PRKG1: variants seen among roughly 807,000 people sequenced by gnomAD.
PRKG1 encodes the protein cGMP-dependent protein kinase 1.
A neutral mutation model predicts 88.1 loss-of-function variants in PRKG1; 35 were observed. That is an observed-to-expected ratio of 0.40 (90% confidence interval 0.30 to 0.53). The LOEUF (loss-of-function observed/expected upper bound fraction) is 0.53, where lower values mean the gene tolerates loss of function less well. PRKG1 is among the 20% of genes least tolerant of loss of function. The pLI, the probability that PRKG1 is intolerant of heterozygous loss-of-function variation, is 0.59. For missense variants in PRKG1, 540 were observed against 839.8 expected (o/e 0.64, Z 4.41); for synonymous variants, 303 against 292.5 (o/e 1.04, Z -0.37).
At chr10:52,039,232 G>T (rs1483246109) in intron 5 of PRKG1, among the ~76,000 whole-genome samples, 1 of 152,148 alleles carries the variant, frequency 6.6e-6, no homozygotes, top group Non-Finnish European at 1.5e-5. Flanking sequence ...GGAGATAGGG[G>T]TGGGGCCATT....
chr10:51,865,233 T>A (rs1379889279), intron 4 of PRKG1, among the ~76,000 whole-genome samples: 1 of 152,124 alleles, frequency 6.6e-6, no homozygotes, highest in Non-Finnish European at 1.5e-5. Flanking sequence ...AATAACCTCA[T>A]GATGAAATTA....
At chr10:50,999,478 G>C (rs1397600842) in intron 1 of PRKG1, among the ~76,000 whole-genome samples, 1 of 152,170 alleles carries the variant, frequency 6.6e-6, no homozygotes, top group African/African-American at 2.4e-5. Context: ...TCCTAATTCA[G>C]ACTCTCCTTC....
intron 2 of PRKG1, among the ~76,000 whole-genome samples, chr10:51,286,150 T>G (rs1466815883): frequency 1.3e-5 from 2 of 152,106 alleles, no homozygotes; most frequent in Non-Finnish European, 2.9e-5. Context: ...TTTGTATTTT[T>G]AGTAGCAATG....
chr10:52,168,302 A>G (rs1225918926), intron 9 of PRKG1, among the ~76,000 whole-genome samples: 2 of 152,190 alleles, frequency 1.3e-5, no homozygotes, highest in Non-Finnish European at 2.9e-5. Flanking sequence ...AGTTGGTATT[A>G]GTTAAGCAAG....
intron 7 of PRKG1, among the ~76,000 whole-genome samples, chr10:52,131,259 G>C (rs1837249702): frequency 6.6e-6 from 1 of 152,148 alleles, no homozygotes; most frequent in Admixed American, 6.5e-5. Context: ...GGCCCTCATA[G>C]GGTTTAGTGG....
At chr10:51,768,708 G>A (rs564595614) in intron 3 of PRKG1, among the ~76,000 whole-genome samples, 59 of 152,178 alleles carry the variant, frequency 3.9e-4, no homozygotes, top group African/African-American at 1.4e-3. Flanking sequence ...GATGAAAAAG[G>A]AATGGGGGCT....
intron 2 of PRKG1, among the ~76,000 whole-genome samples, chr10:51,157,073 G>A (rs945420663): frequency 2.0e-5 from 3 of 151,720 alleles, no homozygotes; most frequent in Non-Finnish European, 2.9e-5. Flanking sequence ...TTTGCACCCC[G>A]GGCAGTGTTC....
chr10:51,767,166 G>A (rs1033232349), intron 3 of PRKG1, among the ~76,000 whole-genome samples: 10 of 152,016 alleles, frequency 6.6e-5, no homozygotes, highest in Non-Finnish European at 1.2e-4. Flanking sequence ...AGATCTCCCC[G>A]TTTTCTGCTT....
intron 3 of PRKG1, among the ~76,000 whole-genome samples, chr10:51,640,793 G>C (rs1368349348): frequency 6.6e-6 from 1 of 152,058 alleles, no homozygotes; most frequent in Non-Finnish European, 1.5e-5. Flanking sequence ...AAGTTCTTTG[G>C]CATTGCTCTT....
intron 9 of PRKG1, among the ~76,000 whole-genome samples, chr10:52,226,796 A>G (rs893265768): frequency 1.7e-5 from 2 of 116,424 alleles, no homozygotes; most frequent in South Asian, 4.7e-4. Flanking sequence ...AAATCCATGG[A>G]AAAAAAAATA....
At chr10:52,070,032 TTAAG>T (rs1846457635) in intron 7 of PRKG1, among the ~76,000 whole-genome samples, 1 of 152,202 alleles carries the variant, frequency 6.6e-6, no homozygotes, top group Non-Finnish European at 1.5e-5. Flanking sequence ...TAATATAATA[TTAAG>T]TGTGTTAAAC....
intron 9 of PRKG1, among the ~76,000 whole-genome samples, chr10:52,206,352 T>A (rs1839819688): frequency 1.3e-5 from 2 of 152,200 alleles, no homozygotes; most frequent in Non-Finnish European, 2.9e-5. Context: ...GGGTTTTGTC[T>A]TTCTCTTGAA....
chr10:52,166,820 T>C (rs1423141161), intron 9 of PRKG1, among the ~76,000 whole-genome samples: 3 of 772 alleles, frequency 3.9e-3, no homozygotes, highest in African/African-American at 4.2e-3. Context: ...TATATATATG[T>C]ATATATATGT....
At chr10:51,842,647 T>G (rs995186307) in intron 4 of PRKG1, among the ~76,000 whole-genome samples, 1 of 152,196 alleles carries the variant, frequency 6.6e-6, no homozygotes, top group Admixed American at 6.6e-5. Context: ...TAGAATTTTA[T>G]GTTAGATAAC....
At chr10:51,734,706 G>T (rs188468841) in intron 3 of PRKG1, among the ~76,000 whole-genome samples, 1 of 152,218 alleles carries the variant, frequency 6.6e-6, no homozygotes, top group African/African-American at 2.4e-5. Flanking sequence ...TAATCCAAGA[G>T]GTATGGAAAC....
At chr10:51,251,142 A>T (rs2132141237) in intron 2 of PRKG1, among the ~76,000 whole-genome samples, 1 of 151,946 alleles carries the variant, frequency 6.6e-6, no homozygotes, top group East Asian at 1.9e-4. Context: ...CCATAATAAC[A>T]CATGGTAAAC....
chr10:52,178,746 T>A (rs548538213), intron 9 of PRKG1, among the ~76,000 whole-genome samples: 108 of 152,298 alleles, frequency 7.1e-4, no homozygotes, highest in Non-Finnish European at 1.1e-3. Context: ...TTATATAATG[T>A]CCTTCTTTGT....
At chr10:52,148,850 A>G (rs1837810758) in intron 8 of PRKG1, among the ~76,000 whole-genome samples, 1 of 152,024 alleles carries the variant, frequency 6.6e-6, no homozygotes, top group Non-Finnish European at 1.5e-5. Context: ...GAAAGATGGG[A>G]ATAGAATTCC....
At chr10:51,249,798 A>G (rs925347621) in intron 2 of PRKG1, among the ~76,000 whole-genome samples, 1 of 151,850 alleles carries the variant, frequency 6.6e-6, no homozygotes, top group African/African-American at 2.4e-5. Context: ...AGTGAACATG[A>G]CAAACACTAC....
Sources: allele counts gnomAD v4.1 joint callset (sites outside exome capture counted in the v4.1 genomes callset), GRCh38; gene constraint gnomAD v4.1.1; transcripts MANE v1.5; gene names NCBI Gene and HGNC (gene_info 2026-07-23, HGNC 2026-07-21).